CENPW: variants seen among roughly 807,000 people sequenced by gnomAD.
CENPW encodes the protein cancer-up-regulated gene 2 protein.
In CENPW, 3 loss-of-function variants were observed where a neutral mutation model predicts 11.1. That is an observed-to-expected ratio of 0.27 (90% CI 0.12 to 0.70). The LOEUF is 0.70. Ranked by LOEUF, CENPW falls within the 30% of genes least tolerant of loss-of-function variation. The pLI is 0.77. For missense variants in CENPW, 100 were observed against 105.6 expected, an observed-to-expected ratio of 0.95 and a Z score of 0.23; for synonymous variants, 38 against 42.0, an observed-to-expected ratio of 0.91 and a Z score of 0.37.
chr6:126,364,532 C>T, the CENPW span, among the ~76,000 whole-genome samples: 1 of 152,132 alleles, frequency 6.6e-6, no homozygotes, highest in Non-Finnish European at 1.5e-5. Flanking sequence ...TGTTCACTAG[C>T]TCTTCCTCTT....
At chr6:126,445,786 G>T in the CENPW span, among the ~76,000 whole-genome samples, 3 of 151,208 alleles carry the variant, frequency 2.0e-5, no homozygotes, top group East Asian at 2.0e-4. Context: ...TTAAAAAAAT[G>T]TGAATTTATT....
chr6:126,432,903 T>TA, the CENPW span, among the ~76,000 whole-genome samples: 1 of 152,156 alleles, frequency 6.6e-6, no homozygotes, highest in Non-Finnish European at 1.5e-5. Flanking sequence ...CTACCCTAGA[T>TA]AAGGAAGTAT....
chr6:126,378,459 C>T, the CENPW span, among the ~76,000 whole-genome samples: 1 of 124,138 alleles, frequency 8.1e-6, no homozygotes, highest in Non-Finnish European at 1.7e-5. Context: ...TTAAAATGTC[C>T]CTTGAGTTTT....
the CENPW span, among the ~76,000 whole-genome samples, chr6:126,463,534 C>T: frequency 6.6e-6 from 1 of 151,670 alleles, no homozygotes; most frequent in Admixed American, 6.6e-5. Flanking sequence ...AAGCTGATTT[C>T]CTGAGGAGGT....
the CENPW span, among the ~76,000 whole-genome samples, chr6:126,427,711 C>T: frequency 6.6e-6 from 1 of 152,110 alleles, no homozygotes; most frequent in African/African-American, 2.4e-5. Context: ...TTTTAATGTG[C>T]AACTAACAAA....
At chr6:126,436,015 T>C in the CENPW span, among the ~76,000 whole-genome samples, 7 of 151,922 alleles carry the variant, frequency 4.6e-5, no homozygotes, top group Non-Finnish European at 1.0e-4. Context: ...ATTGAGATGA[T>C]ACCTTTTGGG....
the CENPW span, among the ~76,000 whole-genome samples, chr6:126,381,101 TC>T: frequency 1.3e-5 from 2 of 152,164 alleles, no homozygotes; most frequent in African/African-American, 4.8e-5. Context: ...TCAGCAAGAA[TC>T]CCCCTTACCC....
chr6:126,392,070 A>G, the CENPW span, among the ~76,000 whole-genome samples: 7 of 151,840 alleles, frequency 4.6e-5, no homozygotes, highest in African/African-American at 1.7e-4. Flanking sequence ...GGTAATATGG[A>G]AATTTTAACA....
the CENPW span, among the ~76,000 whole-genome samples, chr6:126,395,323 C>T: frequency 6.6e-6 from 1 of 152,030 alleles, no homozygotes. Flanking sequence ...TATTAAGAGA[C>T]TTTGATACGT....
chr6:126,376,149 T>TA, the CENPW span, among the ~76,000 whole-genome samples: 1 of 152,178 alleles, frequency 6.6e-6, no homozygotes, highest in African/African-American at 2.4e-5. Flanking sequence ...GCAAGAGTCT[T>TA]ACTTGATACT....
the CENPW span, among the ~76,000 whole-genome samples, chr6:126,451,877 C>A: frequency 6.6e-6 from 1 of 151,008 alleles, no homozygotes; most frequent in African/African-American, 2.4e-5. Flanking sequence ...GGAAATGAGT[C>A]CACAAATAGA....
At chr6:126,340,452 C>G in intron 1 of CENPW, 53 bp downstream of exon 1, 1 of 1,613,690 alleles carries the variant, frequency 6.2e-7, no homozygotes, top group Non-Finnish European at 8.5e-7. Context: ...GAGGTAAGGG[C>G]AATAACCTTA....
the CENPW span, among the ~76,000 whole-genome samples, chr6:126,441,425 C>T: frequency 6.6e-6 from 1 of 151,230 alleles, no homozygotes; most frequent in Non-Finnish European, 1.5e-5. Flanking sequence ...AATCCTCTTT[C>T]TTCTAAAACT....
chr6:126,412,863 T>A, the CENPW span, among the ~76,000 whole-genome samples: 1 of 152,188 alleles, frequency 6.6e-6, no homozygotes, highest in Non-Finnish European at 1.5e-5. Context: ...GTCAGTTTTC[T>A]TTCAGCTATT....
At chr6:126,469,500 A>C in the CENPW span, among the ~76,000 whole-genome samples, 3 of 152,310 alleles carry the variant, frequency 2.0e-5, no homozygotes, top group African/African-American at 7.2e-5. Context: ...GAGTATCGTT[A>C]CTAACAGAGT....
the CENPW span, among the ~76,000 whole-genome samples, chr6:126,468,627 A>C: frequency 6.6e-6 from 1 of 152,014 alleles, no homozygotes; most frequent in Non-Finnish European, 1.5e-5. Flanking sequence ...TATTAATAAT[A>C]GGGGAAATCG....
the CENPW span, among the ~76,000 whole-genome samples, chr6:126,419,607 C>T: frequency 6.6e-6 from 1 of 152,236 alleles, no homozygotes; most frequent in South Asian, 2.1e-4. Context: ...TAACATAACA[C>T]AAATTTATTA....
the CENPW span, among the ~76,000 whole-genome samples, chr6:126,433,326 A>T: frequency 4.6e-5 from 7 of 152,266 alleles, no homozygotes; most frequent in African/African-American, 1.7e-4. Context: ...TTATCATGGT[A>T]GTTTAAAATG....
At chr6:126,357,339 G>A in the CENPW span, among the ~76,000 whole-genome samples, 1 of 152,148 alleles carries the variant, frequency 6.6e-6, no homozygotes, top group Admixed American at 6.5e-5. Context: ...TAGCCTTATA[G>A]TATAGTTTGG....
Sources: gnomAD v4.1 joint callset for allele counts (sites outside exome capture counted in the v4.1 genomes callset) on GRCh38, gnomAD v4.1.1 for gene constraint, MANE v1.5 for transcripts, NCBI Gene and HGNC (gene_info 2026-07-23, HGNC 2026-07-21) for gene names.